RBFOX1: variants seen among roughly 807,000 people sequenced by gnomAD.
RBFOX1 encodes the protein RNA binding protein fox-1 homolog 1.
In RBFOX1, 8 loss-of-function variants were observed where a neutral mutation model predicts 57.7. That is an observed-to-expected ratio of 0.14 (90% CI 0.08 to 0.25). RBFOX1 has a LOEUF of 0.25. RBFOX1 is among the 10% of genes least tolerant of loss of function. The pLI is 1.00. For synonymous variants in RBFOX1, 326 were observed against 222.4 expected (o/e 1.47, Z -4.15); for missense variants, 611 against 548.5 (o/e 1.11, Z -1.14).
At chr16:5,717,518 C>T (rs945590655) in intron 3 of RBFOX1, among the ~76,000 whole-genome samples, 1 of 152,152 alleles carries the variant, frequency 6.6e-6, no homozygotes, top group African/African-American at 2.4e-5. Flanking sequence ...ACCCTTCACC[C>T]TTAGTCCCCA....
chr16:5,596,093 G>A (rs1225744730), intron 2 of RBFOX1, among the ~76,000 whole-genome samples: 1 of 152,196 alleles, frequency 6.6e-6, no homozygotes. Flanking sequence ...GCTCAGGGAT[G>A]TGGAGAGGGA....
At chr16:5,771,650 C>A (rs2053980810) in intron 3 of RBFOX1, among the ~76,000 whole-genome samples, 1 of 152,118 alleles carries the variant, frequency 6.6e-6, no homozygotes, top group South Asian at 2.1e-4. Flanking sequence ...CTCATGTGAT[C>A]CAACTGCTTC....
At chr16:5,974,046 T>C (rs1412275509) in intron 4 of RBFOX1, among the ~76,000 whole-genome samples, 3 of 152,216 alleles carry the variant, frequency 2.0e-5, no homozygotes, top group Non-Finnish European at 4.4e-5. Flanking sequence ...GATCATCGTA[T>C]CTACATGGAA....
At position 5,645,048 on chromosome 16, in the gene RBFOX1, C is replaced by A. The variant is rs560031343; in HGVS notation, c.318+46087C>A. On this transcript the variant is annotated intron_variant, in intron 3 of 19. Coordinates refer to the RBFOX1 transcript ENST00000641259. ...GTCAGGCATTTGAGACCAGCCTGAGCAACATGGTGAAACCCTGTCTCTACT... is the reference window on the plus strand; with the variant it reads ...GTCAGGCATTTGAGACCAGCCTGAGAAACATGGTGAAACCCTGTCTCTACT... Among the ~76,000 whole-genome samples, 6 of 145,456 alleles carry A rather than the reference C, an allele frequency of 4.1e-5. No individual in the cohort carries two copies. The South Asian group carries it at 9.0e-4, about 22-fold the overall frequency.
intron 3 of RBFOX1, among the ~76,000 whole-genome samples, chr16:6,990,384 T>A (rs2091222718): frequency 6.6e-6 from 1 of 151,840 alleles, no homozygotes; most frequent in Non-Finnish European, 1.5e-5. Flanking sequence ...AGTTAGCCGG[T>A]AGTGGTGGCG....
At chr16:6,984,202 G>C (rs1052311036) in intron 3 of RBFOX1, among the ~76,000 whole-genome samples, 2 of 152,144 alleles carry the variant, frequency 1.3e-5, no homozygotes, top group African/African-American at 2.4e-5. Flanking sequence ...AGCCGAGATA[G>C]TGCCATTGCA....
intron 4 of RBFOX1, among the ~76,000 whole-genome samples, chr16:5,929,711 T>C (rs561501375): frequency 1.4e-4 from 21 of 152,268 alleles, no homozygotes; most frequent in East Asian, 1.2e-3. Context: ...GCATCTGTTT[T>C]TTTTATGTTA....
At chr16:6,566,177 G>T (rs1233502512) in intron 2 of RBFOX1, among the ~76,000 whole-genome samples, 1 of 152,162 alleles carries the variant, frequency 6.6e-6, no homozygotes, top group Non-Finnish European at 1.5e-5. Flanking sequence ...AGGCAAGGAG[G>T]TACAATCACC....
intron 3 of RBFOX1, among the ~76,000 whole-genome samples, chr16:6,871,119 T>C (rs75135832): frequency 6.0e-4 from 92 of 152,334 alleles, no homozygotes; most frequent in African/African-American, 2.2e-3. Flanking sequence ...AGGATGGAAT[T>C]TGATGAAGGT....
At chr16:6,264,229 A>G (rs2152646974) in intron 1 of RBFOX1, among the ~76,000 whole-genome samples, 1 of 152,258 alleles carries the variant, frequency 6.6e-6, no homozygotes, top group African/African-American at 2.4e-5. Context: ...CCAATTTTGC[A>G]GCTTCCTGTC....
chr16:5,951,330 C>T (rs750259658), intron 4 of RBFOX1, among the ~76,000 whole-genome samples: 2 of 152,008 alleles, frequency 1.3e-5, no homozygotes, highest in Non-Finnish European at 2.9e-5. Context: ...TGCCTGTAGT[C>T]CCAGCTATTC....
Position 6,010,815 on chromosome 16 carries a change from T to G in RBFOX1, c.351+143480T>G, listed in dbSNP as rs146064296. Among the ~76,000 whole-genome samples the G allele has an allele frequency of 8.5e-3, 1,297 of 152,334 alleles. 29 individuals are homozygous for G. Among genetic ancestry groups the G allele is most frequent in the African/African-American group, 0.03 (1,265 of 41,572 alleles). The stretch of plus-strand genomic sequence containing the variant: ...TATATTGCCCTCATATTATCTACTT[T>G]ATAGTCCTAAAAGACATTCCCAGGG... On this transcript the variant is annotated intron_variant, in intron 4 of 19. Transcript: ENST00000641259.
intron 4 of RBFOX1, among the ~76,000 whole-genome samples, chr16:7,284,975 C>T (rs572137079): frequency 1.1e-4 from 17 of 151,968 alleles, no homozygotes; most frequent in East Asian, 3.9e-4. Context: ...TCCTCGCCAA[C>T]GCCTCATCCC....
At chr16:7,461,270 C>T (rs1332648907) in intron 4 of RBFOX1, among the ~76,000 whole-genome samples, 1 of 151,862 alleles carries the variant, frequency 6.6e-6, no homozygotes, top group Non-Finnish European at 1.5e-5. Flanking sequence ...CAGGTTCAAG[C>T]GATTCTCCTG....
chr16:5,242,374 T>C (rs1184685074), intron 1 of RBFOX1, among the ~76,000 whole-genome samples: 1 of 152,198 alleles, frequency 6.6e-6, no homozygotes, highest in Non-Finnish European at 1.5e-5. Flanking sequence ...CTGTATCTGC[T>C]CAGTCCGGCG....
chr16:5,930,403 T>G (rs1417462795), intron 4 of RBFOX1, among the ~76,000 whole-genome samples: 2 of 117,816 alleles, frequency 1.7e-5, no homozygotes, highest in Admixed American at 1.9e-4. Context: ...CATGGTTGGG[T>G]AGGTGGGAGG....
At chr16:6,096,120 G>A (rs1340691003) in intron 1 of RBFOX1, among the ~76,000 whole-genome samples, 2 of 152,228 alleles carry the variant, frequency 1.3e-5, no homozygotes, top group African/African-American at 4.8e-5. Flanking sequence ...CATGGTAAAC[G>A]ACCTTGTCAT....
intron 3 of RBFOX1, among the ~76,000 whole-genome samples, chr16:5,774,523 G>A (rs1384317326): frequency 1.3e-5 from 2 of 152,164 alleles, no homozygotes; most frequent in Non-Finnish European, 2.9e-5. Context: ...AGGTTATGCA[G>A]CTTCCTTCCA....
intron 4 of RBFOX1, among the ~76,000 whole-genome samples, chr16:7,124,590 A>C (rs1207408352): frequency 7.9e-6 from 1 of 126,756 alleles, no homozygotes; most frequent in African/African-American, 3.0e-5. Context: ...TTCCTGTAAT[A>C]AGTTGTGAGT....
Sources: gnomAD v4.1 joint callset for allele counts (sites outside exome capture counted in the v4.1 genomes callset) on GRCh38, gnomAD v4.1.1 for gene constraint, MANE v1.5 for transcripts, NCBI Gene and HGNC (gene_info 2026-07-23, HGNC 2026-07-21) for gene names.